The following SUGCT variants were observed in gnomAD, a reference collection of about 807,000 sequenced individuals.
SUGCT encodes succinyl-CoA:glutarate-CoA transferase, also known as succinyl-CoA:glutarate CoA-transferase.
Under a neutral mutation model 55.0 loss-of-function variants are expected in SUGCT, and 41 were observed. The ratio of observed to expected loss-of-function variants is 0.74; its 90% confidence interval spans 0.58 to 0.97. The LOEUF (loss-of-function observed/expected upper bound fraction) is 0.97, where lower values mean the gene tolerates loss of function less well. Ranked by LOEUF, SUGCT falls within the 50% of genes least tolerant of loss-of-function variation. The pLI, the probability that SUGCT is intolerant of heterozygous loss-of-function variation, is 0.00. For synonymous variants in SUGCT, 187 were observed against 200.4 expected (o/e 0.93, Z 0.56); for missense variants, 568 against 547.8 (o/e 1.04, Z -0.37).
intron 13 of SUGCT, among the ~76,000 whole-genome samples, chr7:40,767,323 G>C (rs963511511): frequency 2.0e-5 from 3 of 152,146 alleles, no homozygotes; most frequent in Non-Finnish European, 2.9e-5. Flanking sequence ...TATGCCCATA[G>C]AATGTAAATC....
Position 40,173,913 on chromosome 7 carries a change from CTGTGTG to C in SUGCT, c.101-7004_101-6999del, listed in dbSNP as rs34789334. ...ATAATTTATTTATATAATGTATATC[CTGTGTG>C]TGTGTGTGTGTGTGTGTGTGTGTGT... is the stretch of plus-strand genomic sequence containing the variant. On this transcript the variant is annotated intron_variant, in intron 1 of 13. Coordinates refer to ENST00000335693, the MANE Select transcript of SUGCT (RefSeq NM_001193313.2). 4.4e-3 allele frequency among the ~76,000 whole-genome samples: 636 copies of C among 143,840 alleles called. 8 individuals are homozygous for C. Among genetic ancestry groups the C allele is most frequent in the East Asian group, 0.028 (139 of 4,916 alleles). 94.4% of individuals were successfully genotyped at this position (143,840 alleles called of 152,430 possible).
chr7:40,278,589 T>G (rs57575441), intron 8 of SUGCT, among the ~76,000 whole-genome samples: 54,363 of 152,022 alleles, frequency 0.36, 9,977 homozygotes, highest in East Asian at 0.46. Context: ...TGCTGCATCC[T>G]GAGCTCTGTT....
At position 40,571,982 on chromosome 7, in the gene SUGCT, A is replaced by G. The variant is rs543244083; in HGVS notation, c.1089+75596A>G. The stretch of plus-strand genomic sequence containing the variant: ...TTGCTTTGGGGGTCAGAAGCTGTCC[A>G]CTTACCTCCAAACCTCACTCCTCAC... On this transcript the variant is annotated intron_variant, in intron 12 of 13. Coordinates refer to ENST00000335693, the MANE Select transcript of SUGCT (RefSeq NM_001193313.2). 5.9e-5 allele frequency among the ~76,000 whole-genome samples: 9 copies of G among 152,314 alleles called. No individual in the cohort carries two copies. In the South Asian group the frequency reaches 6.2e-4, roughly 11 times the overall value.
chr7:40,246,878 C>T (rs756961860), intron 7 of SUGCT, among the ~76,000 whole-genome samples: 1 of 151,910 alleles, frequency 6.6e-6, no homozygotes, highest in Non-Finnish European at 1.5e-5. Flanking sequence ...AGATTACAGA[C>T]GTGAGCCACC....
At chr7:40,745,428 AC>A (rs1787686589) in intron 12 of SUGCT, among the ~76,000 whole-genome samples, 1 of 151,910 alleles carries the variant, frequency 6.6e-6, no homozygotes, top group South Asian at 2.1e-4. Flanking sequence ...TTTCACTTAA[AC>A]TTTTATTTCC....
intron 12 of SUGCT, among the ~76,000 whole-genome samples, chr7:40,612,783 A>G (rs1483250704): frequency 6.6e-6 from 1 of 152,266 alleles, no homozygotes; most frequent in Non-Finnish European, 1.5e-5. Flanking sequence ...TAACATGATT[A>G]TTAGAATTGT....
chr7:40,890,067 A>C, the SUGCT span, among the ~76,000 whole-genome samples: 1 of 151,756 alleles, frequency 6.6e-6, no homozygotes, highest in Non-Finnish European at 1.5e-5. Context: ...GCACTGATTC[A>C]ATCATTGAAT....
intron 9 of SUGCT, among the ~76,000 whole-genome samples, chr7:40,342,737 G>A (rs1484056018): frequency 6.6e-6 from 1 of 151,990 alleles, no homozygotes; most frequent in Non-Finnish European, 1.5e-5. Flanking sequence ...CTGTCTCCCA[G>A]GTTCAAGATA....
At chr7:40,950,791 A>C in the SUGCT span, among the ~76,000 whole-genome samples, 1 of 152,196 alleles carries the variant, frequency 6.6e-6, no homozygotes, top group Non-Finnish European at 1.5e-5. Flanking sequence ...ACAGCCTTGC[A>C]TCCCAGGGAT....
rs10242965 is a variant in SUGCT, at chr7:40,509,669, G to T, written c.1089+13283G>T. On this transcript the variant is annotated intron_variant, in intron 12 of 13. Transcript: ENST00000335693. ...GGCTTCTCCTGGGCTTTTTCTTTCC[G>T]TCTGCTTTTCAGGGCTCACTTCTTT... is the stretch of plus-strand genomic sequence containing the variant. Among the ~76,000 whole-genome samples the T allele has an allele frequency of 5.9e-5, 9 of 151,720 alleles. No homozygotes were observed. The East Asian group carries it at 1.7e-3, about 29-fold the overall frequency.
Position 40,152,532 on chromosome 7 carries a change from G to A in SUGCT, c.100+17412G>A, listed in dbSNP as rs181828143. 9.0e-4 allele frequency: 192 copies of A among 213,266 alleles called. 2 individuals carry two copies. The highest frequency in any genetic ancestry group is 4.2e-3 in the African/African-American group (180 of 43,300). The allele number at this position is 213,266 out of a possible 1,614,324, so 13.2% of individuals were successfully genotyped here. ...TGGCAAGATATATTTTGTCATTTCA[G>A]TGAAAATTTGGCTTAGGTTTATTGT... On this transcript the variant is annotated intron_variant, in intron 1 of 13. Coordinates refer to ENST00000335693, the MANE Select transcript of SUGCT (RefSeq NM_001193313.2).
intron 13 of SUGCT, among the ~76,000 whole-genome samples, chr7:40,780,040 C>G (rs1311306355): frequency 6.6e-6 from 1 of 152,138 alleles, no homozygotes; most frequent in Non-Finnish European, 1.5e-5. Flanking sequence ...GTTTTATTTA[C>G]CTAAGCATTC....
chr7:40,622,591 A>G (rs1562906602), intron 12 of SUGCT, among the ~76,000 whole-genome samples: 1 of 143,228 alleles, frequency 7.0e-6, no homozygotes, highest in South Asian at 2.2e-4. Flanking sequence ...ATTCACACAC[A>G]TATATGCATA....
At chr7:40,689,300 G>A (rs1211415950) in intron 12 of SUGCT, among the ~76,000 whole-genome samples, 3 of 152,140 alleles carry the variant, frequency 2.0e-5, no homozygotes, top group African/African-American at 7.2e-5. Flanking sequence ...CAAGCAATGA[G>A]CCCCCAAATT....
intron 9 of SUGCT, among the ~76,000 whole-genome samples, chr7:40,324,459 T>C (rs1385277530): frequency 6.6e-6 from 1 of 151,774 alleles, no homozygotes; most frequent in African/African-American, 2.4e-5. Context: ...TTTCACCATG[T>C]TTGCCAGACT....
At chr7:40,253,773 A>G (rs865842620) in intron 7 of SUGCT, among the ~76,000 whole-genome samples, 2 of 152,336 alleles carry the variant, frequency 1.3e-5, no homozygotes, top group African/African-American at 4.8e-5. Context: ...TGCCTGCCTC[A>G]GCCTCCAAAA....
the SUGCT span, among the ~76,000 whole-genome samples, chr7:40,907,136 TGTGTGAGAGAGAGA>T: frequency 1.1e-5 from 1 of 89,642 alleles, no homozygotes; most frequent in African/African-American, 4.4e-5. Context: ...TGTGTGTGTG[TGTGTGAGAGAGAGA>T]GAGAGAGAGA....
At chr7:40,771,843 T>C (rs143509617) in intron 13 of SUGCT, among the ~76,000 whole-genome samples, 1 of 152,330 alleles carries the variant, frequency 6.6e-6, no homozygotes, top group East Asian at 1.9e-4. Flanking sequence ...ACTGAATGAA[T>C]GAGCACATAA....
At chr7:40,462,604 G>T (rs1789863423) in intron 11 of SUGCT, among the ~76,000 whole-genome samples, 1 of 152,138 alleles carries the variant, frequency 6.6e-6, no homozygotes, top group Non-Finnish European at 1.5e-5. Flanking sequence ...CACCTAGGAA[G>T]ACCAGAGGGC....
Sources: gnomAD v4.1 joint callset for allele counts (sites outside exome capture counted in the v4.1 genomes callset) on GRCh38, gnomAD v4.1.1 for gene constraint, MANE v1.5 for transcripts, NCBI Gene and HGNC (gene_info 2026-07-23, HGNC 2026-07-21) for gene names.